Variants in AGBL1 observed in about 807,000 individuals in gnomAD.
AGBL1 encodes cytosolic carboxypeptidase 4.
In AGBL1, 130 loss-of-function variants were observed where a neutral mutation model predicts 118.9. The observed-to-expected ratio is 1.09, with a 90% CI of 0.95 to 1.26. The LOEUF is 1.26. Among genes scored for constraint, AGBL1 ranks in the 50% most tolerant of loss-of-function variants. AGBL1 has a pLI of 0.00. For missense variants in AGBL1, 1,584 were observed against 1,298.1 expected, an observed-to-expected ratio of 1.22 and a Z score of -3.38; for synonymous variants, 555 against 478.9, an observed-to-expected ratio of 1.16 and a Z score of -2.08.
chr15:86,582,290 A>C (rs79463296), intron 21 of AGBL1, among the ~76,000 whole-genome samples: 3,707 of 152,192 alleles, frequency 0.024, 152 homozygotes, highest in African/African-American at 0.082. Context: ...TTACCCTACA[A>C]CATTAATGGT....
At chr15:86,254,866 A>G (rs566095651) in intron 7 of AGBL1, among the ~76,000 whole-genome samples, 131 of 152,314 alleles carry the variant, frequency 8.6e-4, no homozygotes, top group Admixed American at 1.6e-3. Flanking sequence ...GAAACCAATG[A>G]TCTTTGCATT....
intron 19 of AGBL1, among the ~76,000 whole-genome samples, chr15:86,540,029 C>G (rs1036876597): frequency 2.6e-5 from 4 of 152,134 alleles, no homozygotes; most frequent in African/African-American, 9.7e-5. Flanking sequence ...TTTATTCACA[C>G]AATAACAATA....
chr15:86,786,655 C>G (rs1486544599), intron 22 of AGBL1, among the ~76,000 whole-genome samples: 2 of 152,162 alleles, frequency 1.3e-5, no homozygotes, highest in South Asian at 4.1e-4. Flanking sequence ...ATCTCTCTAT[C>G]ATTTGTTGAT....
intron 19 of AGBL1, among the ~76,000 whole-genome samples, chr15:86,526,854 G>C (rs964786433): frequency 6.6e-6 from 1 of 151,958 alleles, no homozygotes; most frequent in Non-Finnish European, 1.5e-5. Context: ...GAAACAGAAG[G>C]GGGTTGGTGG....
chr15:86,585,092 T>C (rs1366880698), intron 21 of AGBL1, among the ~76,000 whole-genome samples: 1 of 152,164 alleles, frequency 6.6e-6, no homozygotes, highest in African/African-American at 2.4e-5. Context: ...GTGGAGTATT[T>C]AGGGTTTTCT....
At chr15:86,972,182 T>C (rs1301946080) in intron 23 of AGBL1, among the ~76,000 whole-genome samples, 1 of 152,006 alleles carries the variant, frequency 6.6e-6, no homozygotes, top group Non-Finnish European at 1.5e-5. Context: ...ACACAGCATG[T>C]CAGAAAGCCA....
chr15:86,816,791 T>C (rs1043503317), intron 22 of AGBL1, among the ~76,000 whole-genome samples: 2 of 152,196 alleles, frequency 1.3e-5, no homozygotes, highest in African/African-American at 2.4e-5. Context: ...ATGACAATCA[T>C]GTCATCTTAT....
At chr15:86,195,293 G>C (rs1460004140) in intron 5 of AGBL1, among the ~76,000 whole-genome samples, 1 of 152,052 alleles carries the variant, frequency 6.6e-6, no homozygotes, top group African/African-American at 2.4e-5. Context: ...GGCATGTTGG[G>C]GGTGTTCTGA....
intron 22 of AGBL1, among the ~76,000 whole-genome samples, chr15:86,735,815 A>G (rs2077587503): frequency 6.6e-6 from 1 of 152,200 alleles, no homozygotes; most frequent in South Asian, 2.1e-4. Context: ...ATGGCCTGGC[A>G]TGTAGCAAGC....
chr15:86,438,645 G>A (rs935189638), intron 18 of AGBL1, among the ~76,000 whole-genome samples: 1 of 148,052 alleles, frequency 6.8e-6, no homozygotes, highest in Non-Finnish European at 1.5e-5. Context: ...GTATATAACT[G>A]ATAATCTGTC....
At chr15:86,264,877 T>C (rs2079049245) in intron 11 of AGBL1, 39 bp downstream of exon 11, 2 of 1,484,930 alleles carry the variant, frequency 1.3e-6, no homozygotes, top group Non-Finnish European at 1.8e-6. Context: ...TTTTTTCTGT[T>C]CTTTGATAAT....
At chr15:86,631,309 G>GAA (rs144267518) in intron 21 of AGBL1, among the ~76,000 whole-genome samples, 2 of 151,396 alleles carry the variant, frequency 1.3e-5, no homozygotes, top group African/African-American at 4.9e-5. Flanking sequence ...GGTTTGGGGA[G>GAA]AAAAAAAAGT....
Position 86,981,762 on chromosome 15 carries a change from A to T in AGBL1, c.3222-6225A>T, listed in dbSNP as rs1050841020. ...CCCCGTTAAGCCAGCTTCTAGGCCCAGAAAAATGAAAGTTGCCTTGGGACA... is the reference window on the plus strand; with the variant it reads ...CCCCGTTAAGCCAGCTTCTAGGCCCTGAAAAATGAAAGTTGCCTTGGGACA... On this transcript the variant is annotated intron_variant, in intron 23 of 24. Transcript: ENST00000441037. Among the ~76,000 whole-genome samples, 8 of 152,174 alleles carry T rather than the reference A, an allele frequency of 5.3e-5. No individual in the cohort carries two copies. The South Asian group carries it at 1.7e-3, about 32-fold the overall frequency.
intron 13 of AGBL1, among the ~76,000 whole-genome samples, chr15:86,268,678 C>T (rs1045895073): frequency 1.3e-5 from 2 of 152,078 alleles, no homozygotes; most frequent in African/African-American, 4.8e-5. Flanking sequence ...ATAGACTTTC[C>T]AGAATTGTTC....
intron 22 of AGBL1, among the ~76,000 whole-genome samples, chr15:86,872,890 A>G (rs1317390211): frequency 6.6e-6 from 1 of 152,216 alleles, no homozygotes; most frequent in African/African-American, 2.4e-5. Flanking sequence ...ATACACAGCC[A>G]ATGTGAAGAC....
At chr15:86,678,548 T>C (rs1271909353) in intron 22 of AGBL1, among the ~76,000 whole-genome samples, 1 of 152,136 alleles carries the variant, frequency 6.6e-6, no homozygotes, top group Non-Finnish European at 1.5e-5. Flanking sequence ...GTACTCAACT[T>C]CTGTTTGTCT....
At chr15:86,998,780 AG>A (rs1331211779) in intron 24 of AGBL1, among the ~76,000 whole-genome samples, 2 of 152,254 alleles carry the variant, frequency 1.3e-5, no homozygotes, top group East Asian at 1.9e-4. Context: ...ATGCAGAAAA[AG>A]ACACTTCTGA....
At chr15:86,435,429 C>G (rs1320590371) in intron 18 of AGBL1, among the ~76,000 whole-genome samples, 1 of 152,198 alleles carries the variant, frequency 6.6e-6, no homozygotes, top group Non-Finnish European at 1.5e-5. Context: ...TCAATAGTTT[C>G]ACTTCAATCA....
At chr15:86,125,538 T>A (rs564234242) in intron 1 of AGBL1, among the ~76,000 whole-genome samples, 15 of 152,350 alleles carry the variant, frequency 9.8e-5, no homozygotes, top group African/African-American at 3.6e-4. Context: ...GAACATCTAA[T>A]AGTCTTAATA....
Sources: gnomAD v4.1 joint callset for allele counts (sites outside exome capture counted in the v4.1 genomes callset) on GRCh38, gnomAD v4.1.1 for gene constraint, MANE v1.5 for transcripts, NCBI Gene and HGNC (gene_info 2026-07-23, HGNC 2026-07-21) for gene names.